Variants in TCF20 observed in about 807,000 individuals in gnomAD.
TCF20 encodes SPRE-binding protein.
TCF20 carries 3 observed loss-of-function variants against 148.6 expected under a neutral mutation model. The observed-to-expected ratio is 0.02, with a 90% CI of 0.01 to 0.05. The LOEUF is 0.05. Among genes scored for constraint, TCF20 ranks in the 10% least tolerant of loss-of-function variants. The probability of loss-of-function intolerance (pLI) is 1.00; values close to 1 mark genes in which losing one functional copy is unlikely to be tolerated. For synonymous variants in TCF20, 1,049 were observed against 909.5 expected (o/e 1.15, Z -2.76); for missense variants, 2,350 against 2,429.3 (o/e 0.97, Z 0.69).
chr22:42,288,264 G>A (rs74406849), upstream of TCF20, among the ~76,000 whole-genome samples: 571 of 152,170 alleles, frequency 3.8e-3, 1 homozygote, highest in African/African-American at 0.013. Flanking sequence ...ATGGCCAGGC[G>A]CGGTGGCTCA....
chr22:42,335,280 G>C (rs1601710926), intron 1 of TCF20, among the ~76,000 whole-genome samples: 1 of 152,030 alleles, frequency 6.6e-6, no homozygotes, highest in African/African-American at 2.4e-5. Flanking sequence ...AGGCTCCCTG[G>C]CCACCCTGCC....
intron 1 of TCF20, among the ~76,000 whole-genome samples, chr22:42,243,561 C>T (rs1191017048): frequency 6.6e-6 from 1 of 152,006 alleles, no homozygotes; most frequent in Non-Finnish European, 1.5e-5. Flanking sequence ...GAGATCACAC[C>T]ACTGCACTCC....
chr22:42,182,045 G>T (rs1192530919), intron 2 of TCF20, among the ~76,000 whole-genome samples: 3 of 152,196 alleles, frequency 2.0e-5, no homozygotes, highest in Non-Finnish European at 2.9e-5. Flanking sequence ...GCTGAGGACA[G>T]AAGAGTGGCA....
At chr22:42,272,045 C>T (rs1926640492), upstream of TCF20, among the ~76,000 whole-genome samples, 1 of 152,214 alleles carries the variant, frequency 6.6e-6, no homozygotes, top group African/African-American at 2.4e-5. Flanking sequence ...TTTCTCCTGG[C>T]TTCTGTCCAA....
intron 2 of TCF20, among the ~76,000 whole-genome samples, chr22:42,199,706 CAAAAAAAAAAAA>C (rs59845847): frequency 5.0e-4 from 17 of 33,870 alleles, no homozygotes; most frequent in Middle Eastern, 0.022. Context: ...CCCATCTCTA[CAAAAAAAAAAAA>C]AAAAAAAAAA....
At chr22:42,174,065 C>T (rs944262267) in intron 3 of TCF20, among the ~76,000 whole-genome samples, 5 of 152,140 alleles carry the variant, frequency 3.3e-5, no homozygotes, top group African/African-American at 4.8e-5. Flanking sequence ...GGGGTGACAA[C>T]CTGGGCACAA....
At chr22:42,260,913 T>C (rs138560087) in intron 1 of TCF20, among the ~76,000 whole-genome samples, 3 of 152,338 alleles carry the variant, frequency 2.0e-5, no homozygotes, top group East Asian at 3.9e-4. Flanking sequence ...ATTTTTACAG[T>C]CAAATCACAT....
intron 1 of TCF20, among the ~76,000 whole-genome samples, chr22:42,330,477 A>G (rs1324169520): frequency 1.3e-5 from 2 of 152,100 alleles, no homozygotes; most frequent in Non-Finnish European, 1.5e-5. Context: ...CTGAGCTCAG[A>G]TGCTATATCC....
chr22:42,176,923 G>A (rs1936488167), intron 3 of TCF20, among the ~76,000 whole-genome samples: 1 of 152,188 alleles, frequency 6.6e-6, no homozygotes, highest in African/African-American at 2.4e-5. Flanking sequence ...ATAAGTTCTA[G>A]TATTCTGTAT....
Position 42,289,340 on chromosome 22 carries a change from G to T in TCF20, c.-37+54139C>A, listed in dbSNP as rs1296981720. Among the ~76,000 whole-genome samples the T allele has an allele frequency of 6.6e-5, 10 of 152,066 alleles. No individual in the cohort carries two copies. The East Asian group carries it at 1.9e-3, about 29-fold the overall frequency. On this transcript the variant is annotated intron_variant, in intron 1 of 1. Coordinates refer to the TCF20 transcript ENST00000515426. Reference sequence around the variant, plus strand: ...CTGGGAGGTTCCGAACACCAGATCTGCCATTGCCCAAAGAGCAGAGACAAA... The same window carrying T: ...CTGGGAGGTTCCGAACACCAGATCTTCCATTGCCCAAAGAGCAGAGACAAA...
chr22:42,285,527 T>C (rs1927013090), upstream of TCF20, among the ~76,000 whole-genome samples: 1 of 152,104 alleles, frequency 6.6e-6, no homozygotes, highest in Non-Finnish European at 1.5e-5. This position sits in a 1 kb window ranked among gnomAD's most constrained non-coding sequence, Gnocchi z 4.2. Flanking sequence ...TCCGCAGCCC[T>C]TCTAGATAAA....
Position 42,225,000 on chromosome 22 carries a change from C to CTTTT in TCF20, c.-36-9663_-36-9660dup, listed in dbSNP as rs34550174. Reference sequence around the variant, plus strand: ...TTAATTTTTGTGTAGGAAATAATCACTTTTTTTTTTTTTTTTTGAGACAGA... The same window carrying CTTTT: ...TTAATTTTTGTGTAGGAAATAATCACTTTTTTTTTTTTTTTTTTTTTGAGACAGA... On this transcript the variant is annotated intron_variant, in intron 1 of 5. Transcript: ENST00000677622. Among the ~76,000 whole-genome samples, 39 of 130,250 alleles carry CTTTT rather than the reference C, an allele frequency of 3.0e-4. 2 individuals carry two copies. The highest frequency in any genetic ancestry group is 4.6e-4 in the East Asian group (2 of 4,380). 85.4% of individuals were successfully genotyped at this position (130,250 alleles called of 152,430 possible).
At chr22:42,326,207 G>A (rs958976364) in intron 1 of TCF20, among the ~76,000 whole-genome samples, 3 of 152,124 alleles carry the variant, frequency 2.0e-5, no homozygotes, top group African/African-American at 7.2e-5. Flanking sequence ...CTGGAACCAA[G>A]CGGGACCACC....
intron 1 of TCF20, among the ~76,000 whole-genome samples, chr22:42,308,326 C>T (rs188965345): frequency 2.0e-4 from 30 of 152,180 alleles, no homozygotes; most frequent in African/African-American, 5.3e-4. Flanking sequence ...GGTTTGGAGG[C>T]GCTTCCTGGA....
intron 2 of TCF20, among the ~76,000 whole-genome samples, chr22:42,188,804 C>G (rs899343542): frequency 6.6e-6 from 1 of 152,086 alleles, no homozygotes; most frequent in Non-Finnish European, 1.5e-5. Context: ...TGTGCAGGGG[C>G]TGAAATGGGG....
intron 1 of TCF20, among the ~76,000 whole-genome samples, chr22:42,300,642 G>C (rs1927320966): frequency 6.6e-6 from 1 of 152,176 alleles, no homozygotes; most frequent in Non-Finnish European, 1.5e-5. Flanking sequence ...CCAAGGGGCA[G>C]GGCTGTGGCT....
In TCF20 at chr22:42,317,028, G is replaced by T. The variant is rs906091184; in HGVS notation, c.-37+26451C>A. Reference sequence around the variant, plus strand: ...AAGTGGACTCTGGCATGGCCGTAAGGCATCTTCAATGGTCCCATGTCCTCA... The same window carrying T: ...AAGTGGACTCTGGCATGGCCGTAAGTCATCTTCAATGGTCCCATGTCCTCA... On this transcript the variant is annotated intron_variant, in intron 1 of 1. Coordinates refer to the TCF20 transcript ENST00000515426. The surrounding 1 kb of genome is among the most constrained non-coding windows in gnomAD (Gnocchi z 4.2). Among the ~76,000 whole-genome samples, 1 of 152,072 alleles carries T rather than the reference G, an allele frequency of 6.6e-6. No individual in the cohort carries two copies. The highest frequency in any genetic ancestry group is 6.6e-5 in the Admixed American group (1 of 15,266).
At chr22:42,183,989 G>A (rs1936919584) in intron 2 of TCF20, among the ~76,000 whole-genome samples, 1 of 151,880 alleles carries the variant, frequency 6.6e-6, no homozygotes, top group Non-Finnish European at 1.5e-5. Context: ...GGCTAGTCTT[G>A]AACTCCTGAT....
chr22:42,337,265 C>CCT (rs1401335076), intron 1 of TCF20, among the ~76,000 whole-genome samples: 9 of 152,062 alleles, frequency 5.9e-5, no homozygotes, highest in Non-Finnish European at 1.3e-4. Context: ...TCCCCCTTAT[C>CCT]CTCTCCCTGG....
Sources: gnomAD v4.1 joint callset for allele counts (sites outside exome capture counted in the v4.1 genomes callset) on GRCh38, gnomAD v4.1.1 for gene constraint, Gnocchi (gnomAD v3.1) non-coding constraint, MANE v1.5 for transcripts, NCBI Gene and HGNC (gene_info 2026-07-23, HGNC 2026-07-21) for gene names.